Variants in PTPRM observed in about 807,000 individuals in gnomAD.
PTPRM encodes the protein receptor-type tyrosine-protein phosphatase mu.
In PTPRM, 47 loss-of-function variants were observed where a neutral mutation model predicts 186.7. The ratio of observed to expected loss-of-function variants is 0.25; its 90% CI spans 0.20 to 0.32. The LOEUF is 0.32. Among genes scored for constraint, PTPRM ranks in the 10% least tolerant of loss-of-function variants. The pLI is 1.00. For missense variants in PTPRM, 1,494 were observed against 1,865.0 expected, an observed-to-expected ratio of 0.80 and a Z score of 3.66; for synonymous variants, 668 against 674.9, an observed-to-expected ratio of 0.99 and a Z score of 0.16.
chr18:7,778,532 G>C (rs1171530370), intron 2 of PTPRM, among the ~76,000 whole-genome samples: 1 of 152,046 alleles, frequency 6.6e-6, no homozygotes, highest in East Asian at 1.9e-4. Flanking sequence ...CACGATTTCA[G>C]ATCACTGCAA....
intron 2 of PTPRM, among the ~76,000 whole-genome samples, chr18:7,879,175 G>A (rs1253877565): frequency 6.6e-6 from 1 of 152,142 alleles, no homozygotes; most frequent in Non-Finnish European, 1.5e-5. Context: ...AGAGCACATT[G>A]CTTGTTACTA....
chr18:8,007,719 C>T (rs1237256461), intron 7 of PTPRM, among the ~76,000 whole-genome samples: 1 of 152,196 alleles, frequency 6.6e-6, no homozygotes, highest in African/African-American at 2.4e-5. Context: ...CAGGATGAAT[C>T]AGTGGTGGGG....
intron 1 of PTPRM, among the ~76,000 whole-genome samples, chr18:7,630,883 G>T (rs1173304065): frequency 6.6e-6 from 1 of 152,160 alleles, no homozygotes; most frequent in Non-Finnish European, 1.5e-5. Flanking sequence ...GGGGATGGTT[G>T]CAGGCATATA....
chr18:8,248,380 C>T, intron 17 of PTPRM: 1 of 658,870 alleles, frequency 1.5e-6, no homozygotes, highest in South Asian at 1.6e-5. Context: ...GGGTTTGCTG[C>T]ATGTATCTTG....
chr18:7,999,167 CA>C (rs1490780036), intron 7 of PTPRM, among the ~76,000 whole-genome samples: 1 of 152,104 alleles, frequency 6.6e-6, no homozygotes, highest in East Asian at 1.9e-4. Context: ...CACTCACTTA[CA>C]ATGGAACACT....
chr18:7,597,125 G>T (rs749341180), intron 1 of PTPRM, among the ~76,000 whole-genome samples: 16 of 152,162 alleles, frequency 1.1e-4, no homozygotes, highest in Non-Finnish European at 1.9e-4. Context: ...AAAGTGCTGG[G>T]ATTGTTGAGC....
chr18:8,161,256 T>C (rs976857101), intron 14 of PTPRM, among the ~76,000 whole-genome samples: 2 of 152,180 alleles, frequency 1.3e-5, no homozygotes, highest in African/African-American at 4.8e-5. Context: ...ATTACCTTAT[T>C]GTAATTGCAT....
intron 3 of PTPRM, among the ~76,000 whole-genome samples, chr18:7,889,333 CTTTTT>C (rs770886704): frequency 8.3e-6 from 1 of 119,858 alleles, no homozygotes; most frequent in Non-Finnish European, 1.7e-5. Context: ...TCTTTTCTTT[CTTTTT>C]TTTTTTTTTT....
chr18:8,018,823 G>A (rs1437620031), intron 7 of PTPRM, among the ~76,000 whole-genome samples: 1 of 152,154 alleles, frequency 6.6e-6, no homozygotes, highest in Non-Finnish European at 1.5e-5. Flanking sequence ...AAGATTAATA[G>A]TAGCATGGCC....
chr18:8,070,139 A>C, intron 8 of PTPRM, 145 bp downstream of exon 8: 1 of 735,504 alleles, frequency 1.4e-6, no homozygotes, highest in Non-Finnish European at 2.2e-6. Context: ...CTGTATTCTT[A>C]AGCGCTGATT....
chr18:8,235,924 A>G (rs1221923225), intron 14 of PTPRM, among the ~76,000 whole-genome samples: 1 of 152,138 alleles, frequency 6.6e-6, no homozygotes, highest in Non-Finnish European at 1.5e-5. Flanking sequence ...ATTCCATTGT[A>G]GTCTAACAGC....
intron 7 of PTPRM, among the ~76,000 whole-genome samples, chr18:7,966,496 C>G (rs925446726): frequency 6.6e-6 from 1 of 151,948 alleles, no homozygotes; most frequent in Non-Finnish European, 1.5e-5. Flanking sequence ...CAGCTCCCAG[C>G]GTGAGCGACG....
chr18:7,658,363 T>TATATATATATATATATATATATATAC (rs1490051251), intron 1 of PTPRM, among the ~76,000 whole-genome samples: 1 of 142,074 alleles, frequency 7.0e-6, no homozygotes, highest in African/African-American at 2.6e-5. Flanking sequence ...TATATATACA[T>TATATATATATATATATATATATATAC]ACACACACAC....
At chr18:8,385,838 C>A (rs1450693612) in intron 30 of PTPRM, among the ~76,000 whole-genome samples, 1 of 152,164 alleles carries the variant, frequency 6.6e-6, no homozygotes, top group East Asian at 1.9e-4. Flanking sequence ...AGAGAGGCAT[C>A]AGGAGGCTGT....
At chr18:8,240,517 G>GGAAGGAAGGAAC in intron 14 of PTPRM, among the ~76,000 whole-genome samples, 1 of 95,818 alleles carries the variant, frequency 1.0e-5, no homozygotes, top group Non-Finnish European at 2.1e-5. Flanking sequence ...AAGGAAGGAA[G>GGAAGGAAGGAAC]GAAGGAAGGA....
At chr18:7,831,212 T>C (rs540581945) in intron 2 of PTPRM, among the ~76,000 whole-genome samples, 69 of 152,170 alleles carry the variant, frequency 4.5e-4, no homozygotes, top group Non-Finnish European at 8.7e-4. Context: ...GTCTTAAATA[T>C]TGCCAAAGAT....
At chr18:7,952,314 A>T (rs114197764) in intron 6 of PTPRM, among the ~76,000 whole-genome samples, 3,289 of 152,344 alleles carry the variant, frequency 0.022, 46 homozygotes, top group African/African-American at 0.044. Context: ...TTTAAATTGC[A>T]TTTTATCACT....
At chr18:7,682,994 T>C (rs1223636857) in intron 1 of PTPRM, among the ~76,000 whole-genome samples, 1 of 152,082 alleles carries the variant, frequency 6.6e-6, no homozygotes, top group East Asian at 1.9e-4. Context: ...GCTTGTTCCT[T>C]GTTTGCTTTT....
chr18:8,379,407 G>C, intron 28 of PTPRM, 67 bp downstream of exon 28: 1 of 1,438,556 alleles, frequency 7.0e-7, no homozygotes, highest in South Asian at 1.5e-5. Context: ...AACAGGCTTG[G>C]GTCTTCCCCA....
Sources: gnomAD v4.1 joint callset for allele counts (sites outside exome capture counted in the v4.1 genomes callset) on GRCh38, gnomAD v4.1.1 for gene constraint, MANE v1.5 for transcripts, NCBI Gene and HGNC (gene_info 2026-07-23, HGNC 2026-07-21) for gene names.